SRCAP: variants seen among roughly 807,000 people sequenced by gnomAD.
SRCAP encodes the protein chromatin remodeling protein SRCAP.
SRCAP carries 46 observed loss-of-function variants against 263.1 expected under a neutral mutation model. The ratio of observed to expected loss-of-function variants is 0.17; its 90% CI spans 0.14 to 0.22. SRCAP has a LOEUF of 0.22. SRCAP is among the 10% of genes least tolerant of loss of function. The pLI, the probability that SRCAP is intolerant of heterozygous loss-of-function variation, is 1.00. For synonymous variants in SRCAP, 1,813 were observed against 1,662.1 expected (o/e 1.09, Z -2.21); for missense variants, 3,695 against 4,181.9 (o/e 0.88, Z 3.21).
intron 1 of SRCAP, 56 bp from the exon 2 acceptor site, chr16:30,699,852 A>G (rs534836102): frequency 6.6e-6 from 1 of 152,264 alleles, no homozygotes; most frequent in East Asian, 1.9e-4. Flanking sequence ...TGATTTGGGT[A>G]TATTTAAACG....
At chr16:30,730,756 C>A (rs1330238535) in intron 27 of SRCAP, among the ~76,000 whole-genome samples, 1 of 139,424 alleles carries the variant, frequency 7.2e-6, no homozygotes, top group Admixed American at 7.5e-5. Flanking sequence ...GATGGAGTTT[C>A]GCTGTGTTTC....
intron 3 of SRCAP, among the ~76,000 whole-genome samples, chr16:30,702,553 C>T (rs1289323536): frequency 1.6e-5 from 2 of 127,488 alleles, no homozygotes; most frequent in African/African-American, 5.8e-5. Context: ...ACCCTCCTTC[C>T]CTCCCTCCCT....
chr16:30,735,136 A>ATTTTTTTTTTTTTTTTTT (rs10532453), intron 31 of SRCAP, among the ~76,000 whole-genome samples: 2 of 106,506 alleles, frequency 1.9e-5, no homozygotes, highest in African/African-American at 8.8e-5. Context: ...AGTACAAAGC[A>ATTTTTTTTTTTTTTTTTT]TTTTTTTTTT....
intron 19 of SRCAP, 62 bp downstream of exon 19, chr16:30,720,393 G>C: frequency 1.3e-6 from 2 of 1,555,236 alleles, no homozygotes; most frequent in East Asian, 4.5e-5. Flanking sequence ...CTGCCCAGAG[G>C]GGCCTGGGGT....
chr16:30,739,163 A>G lies in SRCAP; in HGVS notation c.9123A>G (p.Arg3041=). The change falls in exon 34 of 34, where the codon CGA becomes CGG. Residue 3041 remains arginine, a synonymous_variant. Coordinates refer to ENST00000262518, the MANE Select transcript of SRCAP (RefSeq NM_006662.3). ...SVLESCGLGR[R]RQPQGQGESE... The stretch of plus-strand genomic sequence containing the variant: ...TCGAGAGCTGTGGATTGGGGAGGCG[A>G]CGGCAACCCCAGGGCCAAGGGGAGA... The G allele has an allele frequency of 6.2e-7, 1 of 1,614,034 alleles. No individual in the cohort carries two copies. Among genetic ancestry groups the G allele is most frequent in the Non-Finnish European group, 8.5e-7 (1 of 1,179,990 alleles).
intron 33 of SRCAP, 118 bp from the exon 34 acceptor site, chr16:30,736,930 TC>T: frequency 8.4e-7 from 1 of 1,197,378 alleles, no homozygotes; most frequent in Non-Finnish European, 1.2e-6. Context: ...GGCCTTAACT[TC>T]CCCAAGTGCT....
Position 30,733,642 on chromosome 16 carries a change from G to T in SRCAP, c.6338G>T (p.Cys2113Phe), listed in dbSNP as rs1324452603. The change falls in exon 29 of 34, where the codon TGC becomes TTC. Residue 2113 changes from cysteine to phenylalanine, a missense_variant. Physicochemically the swap from Cys to Phe is radical, Grantham distance 205 (BLOSUM62 -2). Coordinates refer to ENST00000262518, the MANE Select transcript of SRCAP (RefSeq NM_006662.3). The surrounding 1 kb of genome is among the most constrained non-coding windows in gnomAD (Gnocchi z 5.3). The part of the protein sequence containing the change: ...ERFNADKRIF[C>F]FILSTRSGGV... ...TTCAATGCAGACAAACGCATATTCT[G>T]CTTCATCCTTTCAACTCGGAGTGGG... is the stretch of plus-strand genomic sequence containing the variant. 6.2e-7 allele frequency: 1 copy of T among 1,613,878 alleles called. No individual in the cohort carries two copies. Among genetic ancestry groups the T allele is most frequent in the Non-Finnish European group, 8.5e-7 (1 of 1,180,008 alleles).
chr16:30,735,623 C>G (rs2053153946), intron 31 of SRCAP, among the ~76,000 whole-genome samples: 1 of 136,908 alleles, frequency 7.3e-6, no homozygotes, highest in Non-Finnish European at 1.5e-5. Flanking sequence ...CTCTTTCGCC[C>G]AGGCTAGAGT....
intron 4 of SRCAP, 102 bp downstream of exon 4, chr16:30,704,417 TTAGGGTA>T: frequency 7.0e-7 from 1 of 1,431,168 alleles, no homozygotes; most frequent in Admixed American, 2.3e-5. Flanking sequence ...TGTCATGGAT[TTAGGGTA>T]TAGGTTCTGC....
In SRCAP at chr16:30,738,868, C is replaced by T. The variant is rs775321312; in HGVS notation, c.8828C>T (p.Pro2943Leu). Residue 2943 changes from proline (P) to leucine (L), a missense_variant, in exon 34 of 34, where the codon CCT (proline) becomes CTT (leucine). Transcript: ENST00000262518. ...GAGAAAAGAAGGCGAGGACGACCCC[C>T]TAAAGCACGAGATTTGCCCATCCCT... is the stretch of plus-strand genomic sequence containing the variant. ...PVEKRRRGRP[P>L]KARDLPIPGT... The T allele has an allele frequency of 2.5e-6, 4 of 1,614,166 alleles. No individual in the cohort carries two copies. The highest frequency in any genetic ancestry group is 1.1e-5 in the South Asian group (1 of 91,082).
intron 33 of SRCAP, 28 bp downstream of exon 33, chr16:30,736,652 A>C (rs374197298): frequency 8.1e-6 from 13 of 1,607,870 alleles, no homozygotes; most frequent in Non-Finnish European, 1.0e-5. Flanking sequence ...TGGGGCTGGC[A>C]GTTGGAAGCT....
Position 30,737,216 on chromosome 16 carries a change from G to T in SRCAP, c.7176G>T (p.Gly2392=). 6.2e-7 allele frequency: 1 copy of T among 1,614,122 alleles called. No homozygotes were observed. The highest frequency in any genetic ancestry group is 2.2e-5 in the East Asian group (1 of 44,862). ...AGGCCAAAGCCCCTGAGAGGCCGGGGACTCGTGTCAGTGAGCGTCTTCGTG... is the reference window on the plus strand; with the variant it reads ...AGGCCAAAGCCCCTGAGAGGCCGGGTACTCGTGTCAGTGAGCGTCTTCGTG... ...SKKAKAPERP[G]TRVSERLRGA... is the part of the protein sequence containing the mutation. The change falls in exon 34 of 34, where the codon GGG becomes GGT. Residue 2392 remains glycine, a synonymous_variant. Coordinates refer to ENST00000262518, the MANE Select transcript of SRCAP (RefSeq NM_006662.3).
In SRCAP at chr16:30,720,843, C is replaced by A. The variant is rs778302918; in HGVS notation, c.3118C>A (p.Pro1040Thr). Residue 1040 changes from proline (P) to threonine (T), a missense_variant, in exon 20 of 34, where the codon CCA becomes ACA. Pro to Thr is a conservative substitution (Grantham distance 38, BLOSUM62 -1). Around this residue, in one of 12 missense-constraint regions of SRCAP, gnomAD observed 1,347 missense variants for 1,304.4 expected, o/e 1.03. Coordinates refer to ENST00000262518, the MANE Select transcript of SRCAP (RefSeq NM_006662.3). ...GCTCTCAGCCCAGCCCACCCCTGGC[C>A]CAGTCCCCCAAGTGCTGCCAGCATC... ...PELSAQPTPG[P>T]VPQVLPASLM... The A allele has an allele frequency of 1.2e-6, 2 of 1,614,044 alleles. No individual in the cohort carries two copies. Among genetic ancestry groups the A allele is most frequent in the Non-Finnish European group, 1.7e-6 (2 of 1,180,018 alleles).
intron 6 of SRCAP, among the ~76,000 whole-genome samples, chr16:30,708,480 G>T (rs543622310): frequency 6.6e-6 from 1 of 152,090 alleles, no homozygotes; most frequent in South Asian, 2.1e-4. Context: ...TGCAACCTCT[G>T]CCTCCCAGGC....
chr16:30,713,810 A>G, intron 16 of SRCAP, 99 bp downstream of exon 16: 1 of 1,128,026 alleles, frequency 8.9e-7, no homozygotes, highest in Admixed American at 2.3e-5. Context: ...GAGGGAAGTC[A>G]GTGCCAGGCT....
At chr16:30,728,239 TGA>T (rs2053081424) in intron 25 of SRCAP, among the ~76,000 whole-genome samples, 1 of 152,228 alleles carries the variant, frequency 6.6e-6, no homozygotes, top group East Asian at 1.9e-4. Flanking sequence ...TGCTAGTTAC[TGA>T]GTGATTATAG....
chr16:30,719,450 C>T (rs1306118645), intron 18 of SRCAP, among the ~76,000 whole-genome samples: 3 of 151,642 alleles, frequency 2.0e-5, no homozygotes, highest in East Asian at 1.9e-4. Context: ...CTCCTGACCT[C>T]GTGATCCACC....
At chr16:30,736,798 G>A (rs1276948611) in intron 33 of SRCAP, among the ~76,000 whole-genome samples, 174 bp downstream of exon 33, 3 of 152,040 alleles carry the variant, frequency 2.0e-5, no homozygotes, top group Admixed American at 6.5e-5. Flanking sequence ...TCAGCCTCCC[G>A]AGAAGCTGGG....
At chr16:30,714,087 A>T (rs1596649115) in intron 16 of SRCAP, among the ~76,000 whole-genome samples, 1 of 127,062 alleles carries the variant, frequency 7.9e-6, no homozygotes, top group Admixed American at 7.9e-5. Context: ...TTTTTTTGAG[A>T]CAGAGTTCAC....
Sources: allele counts gnomAD v4.1 joint callset (sites outside exome capture counted in the v4.1 genomes callset), GRCh38; gene constraint gnomAD v4.1.1; regional missense constraint gnomAD v4.1.1; non-coding constraint Gnocchi (gnomAD v3.1); transcripts MANE v1.5; gene names NCBI Gene and HGNC (gene_info 2026-07-23, HGNC 2026-07-21).